The following SOS2 variants were observed in gnomAD, a reference collection of about 807,000 sequenced individuals.
The protein encoded by SOS2 is SOS Ras/Rho guanine nucleotide exchange factor 2, also known as son of sevenless homolog 2.
Under a neutral mutation model 148.2 loss-of-function variants are expected in SOS2, and 65 were observed. The observed-to-expected ratio is 0.44, with a 90% CI of 0.36 to 0.54. The LOEUF is 0.54. Among genes scored for constraint, SOS2 ranks in the 20% least tolerant of loss-of-function variants. SOS2 has a pLI of 0.00. For missense variants in SOS2, 1,341 were observed against 1,590.2 expected, an observed-to-expected ratio of 0.84 and a Z score of 2.67; for synonymous variants, 539 against 537.1, an observed-to-expected ratio of 1.00 and a Z score of -0.05.
intron 7 of SOS2, among the ~76,000 whole-genome samples, chr14:50,176,727 G>A (rs12881056): frequency 0.019 from 2,893 of 152,222 alleles, 39 homozygotes; most frequent in Non-Finnish European, 0.031. Flanking sequence ...CCATTAACTG[G>A]GGCTGGGCGT....
chr14:50,223,689 C>A (rs1019929870), intron 1 of SOS2, among the ~76,000 whole-genome samples: 4 of 151,028 alleles, frequency 2.6e-5, no homozygotes, highest in Non-Finnish European at 5.9e-5. Context: ...AACAAACAAA[C>A]AAAAAATTAG....
chr14:50,194,009 T>C (rs1886239672), intron 4 of SOS2, among the ~76,000 whole-genome samples: 1 of 152,168 alleles, frequency 6.6e-6, no homozygotes, highest in Non-Finnish European at 1.5e-5. Flanking sequence ...CCTCCCAAAG[T>C]GCTAGGATTA....
At chr14:50,147,236 A>C (rs1175028178) in intron 14 of SOS2, among the ~76,000 whole-genome samples, 3 of 151,806 alleles carry the variant, frequency 2.0e-5, no homozygotes, top group Non-Finnish European at 4.4e-5. Flanking sequence ...CCAGTTGGGC[A>C]CTGTAGCTCA....
intron 1 of SOS2, among the ~76,000 whole-genome samples, chr14:50,223,063 G>A (rs909136790): frequency 2.6e-5 from 4 of 152,174 alleles, no homozygotes. Context: ...AGGATGTGCT[G>A]ACAAATTAGA....
intron 10 of SOS2, among the ~76,000 whole-genome samples, chr14:50,159,054 G>C (rs1489146626): frequency 1.3e-5 from 2 of 152,048 alleles, no homozygotes; most frequent in Admixed American, 6.5e-5. Flanking sequence ...GCCGGGCATT[G>C]TTGCGGGCGC....
In SOS2 at chr14:50,131,026, C is replaced by T. The variant is rs147840816; in HGVS notation, c.3076-264G>A. On this transcript the variant is annotated intron_variant, in intron 19 of 22. Coordinates refer to ENST00000216373, the MANE Select transcript of SOS2 (RefSeq NM_006939.4). ...TTCTTGAAATTTTATGTGAAAATCA[C>T]ATTTTACTCCTAAAACATATGAACC... Among the ~76,000 whole-genome samples, 552 of 152,188 alleles carry T rather than the reference C, an allele frequency of 3.6e-3. 4 individuals carry two copies. Among genetic ancestry groups the T allele is most frequent in the African/African-American group, 0.013 (525 of 41,526 alleles).
chr14:50,131,409 G>A (rs1337612800), intron 19 of SOS2, among the ~76,000 whole-genome samples: 3 of 152,170 alleles, frequency 2.0e-5, no homozygotes, highest in Non-Finnish European at 4.4e-5. Context: ...TTTGTAAAAT[G>A]AGAATAAGAT....
At chr14:50,210,365 C>T (rs555136823) in intron 1 of SOS2, among the ~76,000 whole-genome samples, 1 of 152,258 alleles carries the variant, frequency 6.6e-6, no homozygotes, top group Non-Finnish European at 1.5e-5. Context: ...TCAACTCCTA[C>T]TTCAACCTTT....
chr14:50,231,270 G>A lies in SOS2; in HGVS notation c.14C>T (p.Pro5Leu). The A allele has an allele frequency of 6.8e-7, 1 of 1,472,434 alleles. No homozygotes were observed. Among genetic ancestry groups the A allele is most frequent in the Non-Finnish European group, 9.1e-7 (1 of 1,097,288 alleles). The allele number at this position is 1,472,434 out of a possible 1,614,324, so 91.2% of individuals were successfully genotyped here. A position where few individuals can be genotyped will look rare whatever the true frequency, so the allele number is the denominator to read the frequency against. Residue 5 changes from proline (P) to leucine (L), a missense_variant, in exon 1 of 23, where the codon CCG (proline) becomes CTG (leucine). Physicochemically the swap from Pro to Leu is moderately conservative, Grantham distance 98 (BLOSUM62 -3). This residue lies in a region of SOS2 where 574 missense variants were observed against 711.1 expected (regional missense o/e 0.81). Coordinates refer to ENST00000216373, the MANE Select transcript of SOS2 (RefSeq NM_006939.4). ...CTCGCTGAAGAACTCGTAAGGCTGC[G>A]GCGCCTGCTGCATGGCCCCGGCGAC... MQQA[P>L]QPYEFFSEEN... is the part of the protein sequence containing the mutation.
At chr14:50,127,998 CA>C (rs909839051) in intron 21 of SOS2, among the ~76,000 whole-genome samples, 4 of 151,598 alleles carry the variant, frequency 2.6e-5, no homozygotes, top group African/African-American at 9.7e-5. Flanking sequence ...ACAAAATAAA[CA>C]AAAAAAGGTA....
intron 14 of SOS2, among the ~76,000 whole-genome samples, chr14:50,146,169 A>T (rs1009544316): frequency 4.0e-5 from 6 of 151,866 alleles, no homozygotes; most frequent in African/African-American, 1.2e-4. Flanking sequence ...ACGAAAAAAA[A>T]GTCTGATAAT....
At chr14:50,190,293 TAAAAA>T (rs1886086526) in intron 4 of SOS2, among the ~76,000 whole-genome samples, 1 of 152,020 alleles carries the variant, frequency 6.6e-6, no homozygotes, top group Non-Finnish European at 1.5e-5. Context: ...CTACAAAAAG[TAAAAA>T]CTTCAAAGGG....
intron 8 of SOS2, 96 bp from the exon 9 acceptor site, chr14:50,161,705 CTAAGT>C (rs1189677378): frequency 9.0e-6 from 10 of 1,113,276 alleles, no homozygotes; most frequent in South Asian, 7.7e-5. Flanking sequence ...ATTATCAACT[CTAAGT>C]TAATTTTATA....
At chr14:50,142,635 T>C (rs1750582411) in intron 16 of SOS2, among the ~76,000 whole-genome samples, 1 of 152,190 alleles carries the variant, frequency 6.6e-6, no homozygotes, top group African/African-American at 2.4e-5. Context: ...ACAATACACA[T>C]AGATCCCATT....
At chr14:50,134,490 T>G (rs967612831) in intron 18 of SOS2, among the ~76,000 whole-genome samples, 26 of 152,322 alleles carry the variant, frequency 1.7e-4, no homozygotes, top group African/African-American at 5.5e-4. Context: ...AATATGAGTT[T>G]TCATTTATTA....
intron 5 of SOS2, among the ~76,000 whole-genome samples, chr14:50,187,345 C>CCT (rs775370877): frequency 8.7e-6 from 1 of 115,160 alleles, no homozygotes; most frequent in Non-Finnish European, 1.8e-5. Flanking sequence ...ATTATTGTTA[C>CCT]TTTTTTTTTT....
chr14:50,196,177 G>A (rs1595014338), intron 4 of SOS2, among the ~76,000 whole-genome samples: 1 of 152,204 alleles, frequency 6.6e-6, no homozygotes, highest in South Asian at 2.1e-4. Context: ...CCTCAATTAG[G>A]AGGAATTGGG....
At position 50,161,477 on chromosome 14, in the gene SOS2, A is replaced by G. The variant is rs769785470; in HGVS notation, c.1196+5T>C. The G allele has an allele frequency of 1.2e-6, 2 of 1,607,852 alleles. No individual in the cohort carries two copies. Among genetic ancestry groups the G allele is most frequent in the Admixed American group, 3.4e-5 (2 of 58,440 alleles). ...GCATTCACGTTTTCAACACTTTGGA[A>G]TTACCCAGGTCGACGTCTAGGTGAA... On this transcript the variant is annotated splice_donor_5th_base_variant and intron_variant, in intron 9 of 22. Transcript: ENST00000216373.
At chr14:50,127,852 G>T (rs1883733103) in intron 21 of SOS2, among the ~76,000 whole-genome samples, 1 of 152,108 alleles carries the variant, frequency 6.6e-6, no homozygotes, top group Admixed American at 6.5e-5. Context: ...GTAAATGAAT[G>T]GTATTAGACT....
Sources: gnomAD v4.1 joint callset for allele counts (sites outside exome capture counted in the v4.1 genomes callset) on GRCh38, gnomAD v4.1.1 for gene constraint, gnomAD v4.1.1 regional missense constraint, MANE v1.5 for transcripts, NCBI Gene and HGNC (gene_info 2026-07-23, HGNC 2026-07-21) for gene names.